The following PRKG1 variants were observed in gnomAD, a reference collection of about 807,000 sequenced individuals.
PRKG1 encodes protein kinase cGMP-dependent 1.
In PRKG1, 35 loss-of-function variants were observed where a neutral mutation model predicts 88.1. The observed-to-expected ratio is 0.40, with a 90% CI of 0.30 to 0.53. The LOEUF is 0.53. Among genes scored for constraint, PRKG1 ranks in the 20% least tolerant of loss-of-function variants. The pLI, the probability that PRKG1 is intolerant of heterozygous loss-of-function variation, is 0.59. For synonymous variants in PRKG1, 303 were observed against 292.5 expected, an observed-to-expected ratio of 1.04 and a Z score of -0.37; for missense variants, 540 against 839.8, an observed-to-expected ratio of 0.64 and a Z score of 4.41.
At chr10:51,208,439 G>C (rs1319246010) in intron 2 of PRKG1, among the ~76,000 whole-genome samples, 3 of 152,142 alleles carry the variant, frequency 2.0e-5, no homozygotes, top group Non-Finnish European at 4.4e-5. Context: ...CCTGGACTGA[G>C]GATTAGGTAA....
intron 5 of PRKG1, among the ~76,000 whole-genome samples, chr10:51,932,790 A>G (rs2133008382): frequency 6.6e-6 from 1 of 152,270 alleles, no homozygotes; most frequent in South Asian, 2.1e-4. Flanking sequence ...TTTCAGTTAC[A>G]TCTATTGACT....
chr10:51,052,380 T>C (rs1361650338), intron 1 of PRKG1, among the ~76,000 whole-genome samples: 1 of 152,232 alleles, frequency 6.6e-6, no homozygotes, highest in Non-Finnish European at 1.5e-5. Flanking sequence ...TTGTGCAGGC[T>C]TTCCCATGGA....
intron 2 of PRKG1, 84 bp downstream of exon 2, chr10:51,153,414 T>C: frequency 7.8e-7 from 1 of 1,288,186 alleles, no homozygotes; most frequent in Admixed American, 2.8e-5. Flanking sequence ...ATGCATTACA[T>C]GGAAAATTCC....
intron 3 of PRKG1, among the ~76,000 whole-genome samples, chr10:51,743,634 T>TTA (rs56396755): frequency 0.69 from 87,633 of 126,710 alleles, 30,825 homozygotes; most frequent in Admixed American, 0.74. Context: ...TTAATTTATT[T>TTA]TATATATATA....
chr10:51,775,822 G>A (rs1439037789), intron 3 of PRKG1, among the ~76,000 whole-genome samples: 1 of 152,054 alleles, frequency 6.6e-6, no homozygotes, highest in Non-Finnish European at 1.5e-5. Context: ...GACCTTAAGA[G>A]ATTTGCCAGC....
intron 3 of PRKG1, among the ~76,000 whole-genome samples, chr10:51,480,086 C>T (rs1375549733): frequency 2.0e-5 from 3 of 152,064 alleles, no homozygotes; most frequent in Non-Finnish European, 2.9e-5. Context: ...TAAGTAGGCA[C>T]TAGATTTCTC....
At chr10:51,562,414 G>A (rs1456059140) in intron 3 of PRKG1, among the ~76,000 whole-genome samples, 1 of 152,010 alleles carries the variant, frequency 6.6e-6, no homozygotes, top group Non-Finnish European at 1.5e-5. Context: ...GAATTGTGAG[G>A]TTCTGTTACT....
intron 9 of PRKG1, among the ~76,000 whole-genome samples, chr10:52,201,052 G>A (rs1839652620): frequency 6.6e-6 from 1 of 152,034 alleles, no homozygotes; most frequent in Non-Finnish European, 1.5e-5. Flanking sequence ...AAACTCTTTA[G>A]TTGAATTACG....
intron 4 of PRKG1, among the ~76,000 whole-genome samples, chr10:51,842,447 A>G (rs766543497): frequency 1.3e-5 from 2 of 152,202 alleles, no homozygotes; most frequent in Non-Finnish European, 2.9e-5. Context: ...GGTGGCAAAG[A>G]AGACCCTCCT....
At chr10:51,206,922 A>G (rs1201819003) in intron 2 of PRKG1, among the ~76,000 whole-genome samples, 1 of 152,250 alleles carries the variant, frequency 6.6e-6, no homozygotes, top group African/African-American at 2.4e-5. Flanking sequence ...ATATATGTAC[A>G]TGCCAGGAAA....
intron 4 of PRKG1, among the ~76,000 whole-genome samples, chr10:51,811,924 C>T (rs1452130154): frequency 6.6e-6 from 1 of 152,110 alleles, no homozygotes; most frequent in Non-Finnish European, 1.5e-5. Context: ...CTTGGAGAAC[C>T]ACTTATCTAG....
chr10:51,933,082 T>A (rs1842728565), intron 5 of PRKG1, among the ~76,000 whole-genome samples: 1 of 152,094 alleles, frequency 6.6e-6, no homozygotes, highest in Admixed American at 6.6e-5. Context: ...TGTGTGATAA[T>A]CATGATTTCC....
At chr10:52,055,484 AATTT>A (rs1483518862) in intron 6 of PRKG1, among the ~76,000 whole-genome samples, 1 of 152,194 alleles carries the variant, frequency 6.6e-6, no homozygotes, top group African/African-American at 2.4e-5. Flanking sequence ...CAACAATATG[AATTT>A]ATTTATATCT....
chr10:51,598,292 G>A (rs946377933), intron 3 of PRKG1, among the ~76,000 whole-genome samples: 4 of 151,656 alleles, frequency 2.6e-5, no homozygotes, highest in Admixed American at 6.6e-5. Context: ...TTTTTCCTTT[G>A]AGAGAGAGTC....
chr10:52,261,710 A>G (rs973579268), intron 10 of PRKG1, among the ~76,000 whole-genome samples: 2 of 152,126 alleles, frequency 1.3e-5, no homozygotes, highest in Non-Finnish European at 2.9e-5. Flanking sequence ...GGCCAAGGAG[A>G]AAAATAAATC....
chr10:51,945,595 G>T (rs1843011490), intron 5 of PRKG1, among the ~76,000 whole-genome samples: 1 of 151,828 alleles, frequency 6.6e-6, no homozygotes, highest in African/African-American at 2.4e-5. Flanking sequence ...GGCTGGTATG[G>T]GTTGTTCCTT....
intron 8 of PRKG1, among the ~76,000 whole-genome samples, chr10:52,135,525 CAGTTGGT>C (rs1259397897): frequency 4.6e-5 from 7 of 151,966 alleles, no homozygotes; most frequent in African/African-American, 1.7e-4. Flanking sequence ...AGTCTAAATT[CAGTTGGT>C]GATTATGAGA....
chr10:51,306,024 C>T (rs556047388), intron 2 of PRKG1, among the ~76,000 whole-genome samples: 1 of 152,130 alleles, frequency 6.6e-6, no homozygotes, highest in Non-Finnish European at 1.5e-5. Context: ...TACCATATGA[C>T]AGTTAATTCT....
Position 51,860,316 on chromosome 10 carries a change from T to C in PRKG1, c.699-47191T>C, listed in dbSNP as rs187496254. Among the ~76,000 whole-genome samples the C allele has an allele frequency of 6.0e-4, 91 of 152,336 alleles. 1 individual carries two copies. Among genetic ancestry groups the C allele is most frequent in the Admixed American group, 5.4e-3 (83 of 15,300 alleles). ...TTGTGTTTCTTTGCTTCATGTTGTCTTCAAGCTAGGATCCAGCCTGAAAGA... is the reference window on the plus strand; with the variant it reads ...TTGTGTTTCTTTGCTTCATGTTGTCCTCAAGCTAGGATCCAGCCTGAAAGA... On this transcript the variant is annotated intron_variant, in intron 4 of 17. Coordinates refer to ENST00000373980, the MANE Select transcript of PRKG1 (RefSeq NM_006258.4).
Sources: gnomAD v4.1 joint callset for allele counts (sites outside exome capture counted in the v4.1 genomes callset) on GRCh38, gnomAD v4.1.1 for gene constraint, MANE v1.5 for transcripts, NCBI Gene and HGNC (gene_info 2026-07-23, HGNC 2026-07-21) for gene names.